Variants in PIP4K2C observed in about 807,000 individuals in gnomAD.
The protein encoded by PIP4K2C is phosphatidylinositol 5-phosphate 4-kinase type-2 gamma.
In PIP4K2C, 21 loss-of-function variants were observed where a neutral mutation model predicts 45.0. The observed-to-expected ratio is 0.47, with a 90% CI of 0.33 to 0.67. The LOEUF (loss-of-function observed/expected upper bound fraction) is 0.67, where lower values mean the gene tolerates loss of function less well. Among genes scored for constraint, PIP4K2C ranks in the 30% least tolerant of loss-of-function variants. The pLI is 0.02. For missense variants in PIP4K2C, 456 were observed against 542.8 expected (o/e 0.84, Z 1.59); for synonymous variants, 201 against 204.8 (o/e 0.98, Z 0.16).
At chr12:57,600,249 C>A in intron 6 of PIP4K2C, 75 bp from the exon 7 acceptor site, 1 of 856,334 alleles carries the variant, frequency 1.2e-6, no homozygotes, top group Non-Finnish European at 1.9e-6. Flanking sequence ...TAGCATAGAG[C>A]CCTAGACAGA....
In PIP4K2C at chr12:57,593,896, A is replaced by G. The variant is rs900735890; in HGVS notation, c.175-129A>G. On this transcript the variant is annotated intron_variant, in intron 1 of 9. Coordinates refer to ENST00000354947, the MANE Select transcript of PIP4K2C (RefSeq NM_024779.5). ...ACATTCTCTCACTTCTGTCAAGCAT[A>G]TGCATAGCCAGTGTTTTTAAAGGAA... is the stretch of plus-strand genomic sequence containing the variant. The G allele has an allele frequency of 2.3e-5, 14 of 608,820 alleles. No individual in the cohort carries two copies. In the African/African-American group the frequency reaches 2.6e-4, roughly 11 times the overall value. 37.7% of individuals were successfully genotyped at this position (608,820 alleles called of 1,614,324 possible).
At chr12:57,591,738 G>C (rs564714048) in intron 1 of PIP4K2C, among the ~76,000 whole-genome samples, 1 of 152,286 alleles carries the variant, frequency 6.6e-6, no homozygotes, top group African/African-American at 2.4e-5. Context: ...GCCATGTCTA[G>C]CTTCAGCCTC....
chr12:57,603,143 G>A lies in PIP4K2C; in HGVS notation c.*1537G>A, dbSNP rs1260661503. On this transcript the variant is annotated 3_prime_UTR_variant, in exon 10 of 10. Transcript: ENST00000354947. ...CAAGAGGAGTACCCAGTTAGGGGTT[G>A]GAGCCCCCATATAACATCTTCCTGT... 1 of 152,570 alleles carries A rather than the reference G, an allele frequency of 6.6e-6. No individual in the cohort carries two copies. The highest frequency in any genetic ancestry group is 2.4e-5 in the African/African-American group (1 of 41,422). 9.5% of individuals were successfully genotyped at this position (152,570 alleles called of 1,614,324 possible). A position where few individuals can be genotyped will look rare whatever the true frequency, so the allele number is the denominator to read the frequency against.
At chr12:57,600,780 G>GA (rs1297697811) in intron 7 of PIP4K2C, 31 bp from the exon 8 acceptor site, 1 of 1,612,852 alleles carries the variant, frequency 6.2e-7, no homozygotes, top group Non-Finnish European at 8.5e-7. Flanking sequence ...AAGAGTGAGA[G>GA]AGAGGTGTCT....
rs1883165834 is a variant in PIP4K2C, at chr12:57,595,801, A to G, written c.370-87A>G. The G allele has an allele frequency of 2.1e-6, 3 of 1,450,162 alleles. No individual in the cohort carries two copies. In the South Asian group the frequency reaches 3.6e-5, roughly 17 times the overall value. The allele number at this position is 1,450,162 out of a possible 1,614,324, so 89.8% of individuals were successfully genotyped here. ...GCTGAATCTCCTACCCCAGGGATTC[A>G]TCCACTTTCAGCTGACCATTTTCCT... On this transcript the variant is annotated intron_variant, in intron 3 of 9. Transcript: ENST00000354947.
At chr12:57,600,468 T>C (rs1883380416) in intron 7 of PIP4K2C, 31 bp downstream of exon 7, 2 of 1,479,308 alleles carry the variant, frequency 1.4e-6, no homozygotes, top group Admixed American at 1.7e-5. Context: ...GAAATGGCTT[T>C]CCTTTTTTTG....
intron 1 of PIP4K2C, among the ~76,000 whole-genome samples, chr12:57,593,072 A>G (rs534563655): frequency 1.3e-5 from 2 of 152,046 alleles, no homozygotes; most frequent in African/African-American, 2.4e-5. Context: ...ATTAATAGAC[A>G]TGTCAGGATC....
At chr12:57,601,465 G>A (rs1438533172) in intron 9 of PIP4K2C, 61 bp from the exon 10 acceptor site, 1 of 1,540,500 alleles carries the variant, frequency 6.5e-7, no homozygotes, top group Non-Finnish European at 9.0e-7. Flanking sequence ...TAGATTGGGT[G>A]GGGGTGATGG....
chr12:57,601,462 G>A (rs1353291001), intron 9 of PIP4K2C, 64 bp from the exon 10 acceptor site: 2 of 1,541,984 alleles, frequency 1.3e-6, no homozygotes, highest in Non-Finnish European at 1.8e-6. Context: ...GGGTAGATTG[G>A]GTGGGGGTGA....
rs1167916929 is a variant in PIP4K2C, at chr12:57,601,434, A to C, written c.1185+86A>C. 4 of 1,533,322 alleles carry C rather than the reference A, an allele frequency of 2.6e-6. No homozygotes were observed. In the East Asian group the frequency reaches 6.8e-5, roughly 26 times the overall value. 95.0% of individuals were successfully genotyped at this position (1,533,322 alleles called of 1,614,324 possible). On this transcript the variant is annotated intron_variant, in intron 9 of 9. Coordinates refer to ENST00000354947, the MANE Select transcript of PIP4K2C (RefSeq NM_024779.5). ...TTGTGCCAGAGCAATGGGGTGGCAA[A>C]AGAATGGAGGTGGTCTGGGGTAGAT...
chr12:57,600,735 C>T (rs532708151), intron 7 of PIP4K2C, 76 bp from the exon 8 acceptor site: 28 of 1,561,842 alleles, frequency 1.8e-5, no homozygotes, highest in South Asian at 1.4e-4. Flanking sequence ...CCCAGAAATT[C>T]AAAGGTACAG....
chr12:57,595,815 G>A (rs1883166380), intron 3 of PIP4K2C, 73 bp from the exon 4 acceptor site: 3 of 1,539,414 alleles, frequency 1.9e-6, no homozygotes, highest in Non-Finnish European at 2.7e-6. Flanking sequence ...ACTTTCAGCT[G>A]ACCATTTTCC....
chr12:57,592,169 AG>A (rs957099392), intron 1 of PIP4K2C, among the ~76,000 whole-genome samples: 4 of 152,138 alleles, frequency 2.6e-5, no homozygotes, highest in Non-Finnish European at 1.5e-5. Context: ...GAGAAGGCTG[AG>A]GGGCTCTGTT....
chr12:57,594,401 A>G (rs1299105355), intron 2 of PIP4K2C, among the ~76,000 whole-genome samples: 1 of 152,124 alleles, frequency 6.6e-6, no homozygotes, highest in Admixed American at 6.5e-5. Context: ...AGATGCCATG[A>G]GAACCATTAG....
At chr12:57,591,832 A>G (rs1205762441) in intron 1 of PIP4K2C, among the ~76,000 whole-genome samples, 1 of 151,600 alleles carries the variant, frequency 6.6e-6, no homozygotes, top group Non-Finnish European at 1.5e-5. Context: ...TGTTGGTGAG[A>G]GTGTAGGTGG....
chr12:57,597,651 G>A (rs1440407048), intron 4 of PIP4K2C, among the ~76,000 whole-genome samples: 2 of 152,208 alleles, frequency 1.3e-5, no homozygotes, highest in Non-Finnish European at 1.5e-5. Flanking sequence ...TGAAAAGAAG[G>A]TTGAGGACAG....
chr12:57,599,843 C>T (rs146929686), intron 6 of PIP4K2C, among the ~76,000 whole-genome samples: 1 of 152,272 alleles, frequency 6.6e-6, no homozygotes, highest in Non-Finnish European at 1.5e-5. Flanking sequence ...TGCTTGAGCC[C>T]AGGAGTTCCA....
chr12:57,598,524 C>CAAAAAAAA (rs57982410), intron 4 of PIP4K2C, among the ~76,000 whole-genome samples: 1 of 75,714 alleles, frequency 1.3e-5, no homozygotes, highest in Non-Finnish European at 2.7e-5. Flanking sequence ...ACTCCATCTC[C>CAAAAAAAA]AAAAAAAAAA....
intron 3 of PIP4K2C, 89 bp downstream of exon 3, chr12:57,595,311 G>T: frequency 1.2e-6 from 1 of 850,416 alleles, no homozygotes; most frequent in East Asian, 2.5e-5. Context: ...AGAAATGAGA[G>T]TCTTGGCAAA....
Sources: gnomAD v4.1 joint callset for allele counts (sites outside exome capture counted in the v4.1 genomes callset) on GRCh38, gnomAD v4.1.1 for gene constraint, MANE v1.5 for transcripts, NCBI Gene and HGNC (gene_info 2026-07-23, HGNC 2026-07-21) for gene names.